SLC39A10: variants seen among roughly 807,000 people sequenced by gnomAD.
SLC39A10 encodes the protein solute carrier family 39 member 10.
In SLC39A10, 13 loss-of-function variants were observed where a neutral mutation model predicts 65.1. The ratio of observed to expected loss-of-function variants is 0.20; its 90% CI spans 0.13 to 0.32. The LOEUF is 0.32. Among genes scored for constraint, SLC39A10 ranks in the 10% least tolerant of loss-of-function variants. SLC39A10 has a pLI of 1.00. For missense variants in SLC39A10, 831 were observed against 1,018.4 expected (o/e 0.82, Z 2.50); for synonymous variants, 321 against 342.2 (o/e 0.94, Z 0.68).
At chr2:195,627,631 T>C (rs1688501425) in intron 2 of SLC39A10, among the ~76,000 whole-genome samples, 1 of 152,240 alleles carries the variant, frequency 6.6e-6, no homozygotes, top group South Asian at 2.1e-4. Context: ...GCCATATATG[T>C]TTCTTAATTT....
chr2:195,656,340 T>A (rs906795565), upstream of SLC39A10, among the ~76,000 whole-genome samples: 3 of 152,006 alleles, frequency 2.0e-5, no homozygotes, highest in Non-Finnish European at 4.4e-5. Flanking sequence ...AGGAGACAAT[T>A]TAGATGGGAT....
In SLC39A10 at chr2:195,687,146, G is replaced by A. The variant is rs189483301; in HGVS notation, c.1216+3240G>A. 2.7e-4 allele frequency among the ~76,000 whole-genome samples: 41 copies of A among 152,180 alleles called. 1 individual carries two copies. In the South Asian group the frequency reaches 7.7e-3, roughly 29 times the overall value. On this transcript the variant is annotated intron_variant, in intron 3 of 9. Transcript: ENST00000359634. ...TATTGATCTTGGTGGATGAATAAGC[G>A]CCCTGAGAGGCCTAGTCCCTCTCAG...
At chr2:195,707,153 C>T (rs1224369710) in intron 4 of SLC39A10, among the ~76,000 whole-genome samples, 3 of 152,062 alleles carry the variant, frequency 2.0e-5, no homozygotes, top group East Asian at 3.8e-4. Context: ...CATCTTTGAG[C>T]GGGAGTAGGC....
At chr2:195,679,006 C>T (rs1574260518) in intron 1 of SLC39A10, among the ~76,000 whole-genome samples, 1 of 152,150 alleles carries the variant, frequency 6.6e-6, no homozygotes, top group African/African-American at 2.4e-5. Flanking sequence ...TAATGATGGA[C>T]ATGTTCTGCG....
In SLC39A10 at chr2:195,733,625, G is replaced by A. The variant is rs563946320; in HGVS notation, c.2338-1258G>A. Among the ~76,000 whole-genome samples, 351 of 152,088 alleles carry A rather than the reference G, an allele frequency of 2.3e-3. 1 individual carries two copies. The highest frequency in any genetic ancestry group is 7.9e-3 in the African/African-American group (327 of 41,490). On this transcript the variant is annotated intron_variant, in intron 9 of 9. Coordinates refer to ENST00000359634, the MANE Select transcript of SLC39A10 (RefSeq NM_020342.3). Reference sequence around the variant, plus strand: ...GGCTCACCGCAACCTCCGCCTCCTGGGTTCAAGCAGTTCTCCTGCCTCAGC... The same window carrying A: ...GGCTCACCGCAACCTCCGCCTCCTGAGTTCAAGCAGTTCTCCTGCCTCAGC...
At position 195,669,044 on chromosome 2, in the gene SLC39A10, C is replaced by T. The variant is rs146531359; in HGVS notation, c.-11-10988C>T. ...GAGCCGAGATCGTGCCACTGTGCTCCAGCCTGGGCAACAGGGTGACTCCCT... is the reference window on the plus strand; with the variant it reads ...GAGCCGAGATCGTGCCACTGTGCTCTAGCCTGGGCAACAGGGTGACTCCCT... On this transcript the variant is annotated intron_variant, in intron 1 of 9. Transcript: ENST00000359634. Among the ~76,000 whole-genome samples the T allele has an allele frequency of 1.4e-3, 204 of 148,972 alleles. 5 individuals carry two copies. In the East Asian group the frequency reaches 0.038, roughly 28 times the overall value.
At chr2:195,731,397 C>T (rs1692429217) in intron 9 of SLC39A10, among the ~76,000 whole-genome samples, 1 of 152,114 alleles carries the variant, frequency 6.6e-6, no homozygotes, top group Non-Finnish European at 1.5e-5. Context: ...ATCCTCTATC[C>T]CTGCTTTACT....
intron 1 of SLC39A10, among the ~76,000 whole-genome samples, chr2:195,672,716 A>G (rs962804694): frequency 6.6e-6 from 1 of 152,210 alleles, no homozygotes; most frequent in Non-Finnish European, 1.5e-5. Flanking sequence ...TCGTGGAGTC[A>G]TTCATTTGAT....
chr2:195,694,662 G>A (rs551094344), intron 3 of SLC39A10, among the ~76,000 whole-genome samples: 1 of 152,314 alleles, frequency 6.6e-6, no homozygotes, highest in Non-Finnish European at 1.5e-5. Flanking sequence ...GCAGGAGAGT[G>A]AAATGGACAC....
chr2:195,653,662 G>C (rs1689086057), upstream of SLC39A10, among the ~76,000 whole-genome samples: 1 of 152,172 alleles, frequency 6.6e-6, no homozygotes, highest in Non-Finnish European at 1.5e-5. Context: ...CATCATGCCT[G>C]GTACTAGTGT....
chr2:195,709,262 C>A (rs374771143), intron 5 of SLC39A10, among the ~76,000 whole-genome samples: 3 of 151,942 alleles, frequency 2.0e-5, no homozygotes, highest in African/African-American at 7.3e-5. Context: ...GACAGATTCT[C>A]GCTATGTGGC....
At chr2:195,660,306 A>G (rs1428369571) in intron 1 of SLC39A10, among the ~76,000 whole-genome samples, 2 of 152,234 alleles carry the variant, frequency 1.3e-5, no homozygotes, top group African/African-American at 4.8e-5. Context: ...TTGCAAAAGA[A>G]AGTACACAAT....
intron 2 of SLC39A10, among the ~76,000 whole-genome samples, chr2:195,645,166 CCCAAAGTGCTGGGATTATAGGCATGAG>C (rs1364629411): frequency 5.0e-4 from 76 of 152,102 alleles, no homozygotes; most frequent in South Asian, 4.4e-3. Flanking sequence ...GCCTCGGCCT[CCCAAAGTGCTGGGATTATAGGCATGAG>C]CCACCGCGCC....
intron 1 of SLC39A10, among the ~76,000 whole-genome samples, chr2:195,674,798 T>C (rs1479890601): frequency 6.7e-6 from 1 of 148,494 alleles, no homozygotes; most frequent in Non-Finnish European, 1.5e-5. Flanking sequence ...TATAGCCAGT[T>C]GCTTCTAGGC....
At chr2:195,687,991 T>C (rs1342556354) in intron 3 of SLC39A10, among the ~76,000 whole-genome samples, 1 of 152,180 alleles carries the variant, frequency 6.6e-6, no homozygotes, top group African/African-American at 2.4e-5. Flanking sequence ...GAGCGCTTCT[T>C]TTTAAAAGAA....
At chr2:195,734,786 C>A (rs965774401) in intron 9 of SLC39A10, 97 bp from the exon 10 acceptor site, 2 of 1,182,904 alleles carry the variant, frequency 1.7e-6, no homozygotes, top group Non-Finnish European at 1.2e-6. Flanking sequence ...TGTAGTTACA[C>A]TTCAGTCACT....
intron 2 of SLC39A10, among the ~76,000 whole-genome samples, chr2:195,638,634 G>T (rs180844240): frequency 1.3e-5 from 2 of 152,000 alleles, no homozygotes; most frequent in South Asian, 2.1e-4. Context: ...ATGAGCCACC[G>T]CACCCAGCCT....
At chr2:195,638,473 G>A (rs1440850976) in intron 2 of SLC39A10, among the ~76,000 whole-genome samples, 1 of 152,000 alleles carries the variant, frequency 6.6e-6, no homozygotes, top group Non-Finnish European at 1.5e-5. Context: ...CCGAGTAGCT[G>A]AGACTACAGG....
chr2:195,729,151 A>T (rs1295938564), intron 9 of SLC39A10, among the ~76,000 whole-genome samples: 2 of 151,556 alleles, frequency 1.3e-5, no homozygotes, highest in African/African-American at 2.4e-5. Flanking sequence ...TATTTTTTTT[A>T]AACTTTTTTT....
Sources: allele counts gnomAD v4.1 joint callset (sites outside exome capture counted in the v4.1 genomes callset), GRCh38; gene constraint gnomAD v4.1.1; transcripts MANE v1.5; gene names NCBI Gene and HGNC (gene_info 2026-07-23, HGNC 2026-07-21).